MSRA: variants seen among roughly 807,000 people sequenced by gnomAD.
MSRA encodes methionine sulfoxide reductase A, also known as mitochondrial peptide methionine sulfoxide reductase.
A neutral mutation model predicts 31.3 loss-of-function variants in MSRA; 54 were observed. The observed-to-expected ratio is 1.73, with a 90% CI of 1.39 to 2.17. The LOEUF is 2.17. Ranked by LOEUF, MSRA falls within the 30% of genes most tolerant of loss-of-function variation. The probability of loss-of-function intolerance (pLI) is 0.00; values close to 1 mark genes in which losing one functional copy is unlikely to be tolerated. For synonymous variants in MSRA, 169 were observed against 116.5 expected (o/e 1.45, Z -2.90); for missense variants, 507 against 300.9 (o/e 1.69, Z -5.07).
At chr8:10,287,266 C>G (rs1328253395) in intron 3 of MSRA, among the ~76,000 whole-genome samples, 1 of 152,150 alleles carries the variant, frequency 6.6e-6, no homozygotes, top group African/African-American at 2.4e-5. Flanking sequence ...GGAATCAAAC[C>G]TACTGGGCCC....
chr8:10,111,226 A>C (rs2220150), intron 1 of MSRA, among the ~76,000 whole-genome samples: 6 of 151,944 alleles, frequency 3.9e-5, no homozygotes, highest in Non-Finnish European at 7.4e-5. Flanking sequence ...ACATGAATGT[A>C]TGGAGAATGA....
intron 3 of MSRA, among the ~76,000 whole-genome samples, chr8:10,264,870 G>A (rs1798665867): frequency 6.6e-6 from 1 of 152,106 alleles, no homozygotes; most frequent in African/African-American, 2.4e-5. Flanking sequence ...TGGAAGCAAG[G>A]GCCAAATCGC....
chr8:10,070,727 G>T (rs2128917946), intron 1 of MSRA, among the ~76,000 whole-genome samples: 1 of 152,260 alleles, frequency 6.6e-6, no homozygotes, highest in Middle Eastern at 3.4e-3. Context: ...ATCATTTCAA[G>T]GATTTTACAT....
chr8:10,315,962 A>G (rs1011636553), intron 4 of MSRA, among the ~76,000 whole-genome samples: 1 of 152,236 alleles, frequency 6.6e-6, no homozygotes, highest in Non-Finnish European at 1.5e-5. Context: ...AAATCACCAC[A>G]TCTTGTCAAA....
chr8:10,118,802 C>T (rs1465844785), intron 1 of MSRA, among the ~76,000 whole-genome samples: 1 of 152,228 alleles, frequency 6.6e-6, no homozygotes, highest in African/African-American at 2.4e-5. Context: ...TTCTAAGCTA[C>T]CCCAATTCCC....
intron 5 of MSRA, among the ~76,000 whole-genome samples, chr8:10,410,063 T>G (rs1173667703): frequency 6.6e-6 from 1 of 152,204 alleles, no homozygotes; most frequent in African/African-American, 2.4e-5. Context: ...TTGTCTATTA[T>G]TTTTAAAGAT....
At chr8:10,333,809 AC>A (rs993129097) in intron 5 of MSRA, among the ~76,000 whole-genome samples, 23 of 140,362 alleles carry the variant, frequency 1.6e-4, no homozygotes, top group African/African-American at 2.4e-4. Flanking sequence ...TCTCCACCCC[AC>A]CCCCCCCACG....
chr8:10,382,921 C>A (rs983287916), intron 5 of MSRA, among the ~76,000 whole-genome samples: 4 of 152,238 alleles, frequency 2.6e-5, no homozygotes, highest in African/African-American at 9.6e-5. Flanking sequence ...AGGTCTTCAT[C>A]TTCCTGAATG....
At chr8:10,295,925 C>T (rs544061965) in intron 3 of MSRA, among the ~76,000 whole-genome samples, 5 of 152,294 alleles carry the variant, frequency 3.3e-5, no homozygotes, top group African/African-American at 9.6e-5. Context: ...GCTCCTGTAG[C>T]CCCTCTTTCG....
intron 3 of MSRA, among the ~76,000 whole-genome samples, chr8:10,289,333 T>C (rs1352941121): frequency 6.6e-6 from 1 of 152,054 alleles, no homozygotes. Context: ...TTTTTGTGTG[T>C]ACATAGTAGG....
chr8:10,224,078 G>A (rs574518004), intron 2 of MSRA, among the ~76,000 whole-genome samples: 9 of 152,260 alleles, frequency 5.9e-5, no homozygotes, highest in Admixed American at 1.3e-4. Context: ...CTTTGGCAAG[G>A]CAGGTCTAAA....
At chr8:10,215,474 T>C (rs1034927681) in intron 2 of MSRA, among the ~76,000 whole-genome samples, 1 of 152,194 alleles carries the variant, frequency 6.6e-6, no homozygotes, top group South Asian at 2.1e-4. Flanking sequence ...CTCTCCTCAC[T>C]CTGGGTGAGC....
intron 1 of MSRA, among the ~76,000 whole-genome samples, chr8:10,202,551 C>T (rs777614264): frequency 6.6e-6 from 1 of 152,176 alleles, no homozygotes; most frequent in Non-Finnish European, 1.5e-5. Flanking sequence ...AGCGATGAGA[C>T]TCTATGGGTA....
At chr8:10,279,523 C>A (rs983908341) in intron 3 of MSRA, among the ~76,000 whole-genome samples, 1 of 152,150 alleles carries the variant, frequency 6.6e-6, no homozygotes, top group Non-Finnish European at 1.5e-5. Context: ...CCCCACACGC[C>A]TTCTCTGTAT....
At chr8:10,422,282 T>TA (rs1808860900) in intron 5 of MSRA, among the ~76,000 whole-genome samples, 2 of 152,056 alleles carry the variant, frequency 1.3e-5, no homozygotes, top group Non-Finnish European at 2.9e-5. Context: ...CAAGACCCTG[T>TA]CTCAGCAACA....
chr8:10,153,000 GA>G (rs1360049756), intron 1 of MSRA, among the ~76,000 whole-genome samples: 2 of 152,188 alleles, frequency 1.3e-5, no homozygotes, highest in Non-Finnish European at 2.9e-5. Flanking sequence ...TCCAGGGGCT[GA>G]GGAGAAGAGG....
intron 5 of MSRA, among the ~76,000 whole-genome samples, chr8:10,368,658 A>G (rs1016025811): frequency 2.8e-4 from 42 of 152,260 alleles, no homozygotes; most frequent in African/African-American, 9.9e-4. Context: ...CCACAATGAA[A>G]GATAAAAGCT....
intron 5 of MSRA, among the ~76,000 whole-genome samples, chr8:10,414,044 G>C (rs1808314794): frequency 6.6e-6 from 1 of 152,166 alleles, no homozygotes; most frequent in South Asian, 2.1e-4. Context: ...GTGTGCTCCT[G>C]TAGTCCCTGC....
At chr8:10,284,524 A>G (rs886531873) in intron 3 of MSRA, among the ~76,000 whole-genome samples, 1 of 152,228 alleles carries the variant, frequency 6.6e-6, no homozygotes, top group Non-Finnish European at 1.5e-5. Flanking sequence ...AAAGGTTTAC[A>G]GAAACCTTTA....
Sources: allele counts gnomAD v4.1 joint callset (sites outside exome capture counted in the v4.1 genomes callset), GRCh38; gene constraint gnomAD v4.1.1; transcripts MANE v1.5; gene names NCBI Gene and HGNC (gene_info 2026-07-23, HGNC 2026-07-21).